LRFN5: variants seen among roughly 807,000 people sequenced by gnomAD.
LRFN5 encodes leucine-rich repeat and fibronectin type-III domain-containing protein 5.
Under a neutral mutation model 45.6 loss-of-function variants are expected in LRFN5, and 24 were observed. The ratio of observed to expected loss-of-function variants is 0.53; its 90% CI spans 0.38 to 0.74. The LOEUF is 0.74. LRFN5 is among the 30% of genes least tolerant of loss of function. The pLI is 0.00. For synonymous variants in LRFN5, 340 were observed against 313.8 expected, an observed-to-expected ratio of 1.08 and a Z score of -0.88; for missense variants, 776 against 861.5, an observed-to-expected ratio of 0.90 and a Z score of 1.24.
chr14:41,778,018 G>C (rs554804126), intron 2 of LRFN5, among the ~76,000 whole-genome samples: 1 of 147,344 alleles, frequency 6.8e-6, no homozygotes, highest in Non-Finnish European at 1.5e-5. Context: ...TGGTGGGGGG[G>C]GGGGATTGAG....
chr14:41,686,616 TATATTAAG>T (rs771555453), intron 1 of LRFN5, among the ~76,000 whole-genome samples: 7 of 151,946 alleles, frequency 4.6e-5, no homozygotes, highest in Non-Finnish European at 1.0e-4. Context: ...TCACAGTTAT[TATATTAAG>T]ATATGTTCCA....
At chr14:41,901,521 G>A (rs1891101641) in intron 5 of LRFN5, among the ~76,000 whole-genome samples, 1 of 151,510 alleles carries the variant, frequency 6.6e-6, no homozygotes, top group South Asian at 2.1e-4. Context: ...AGGCCTTTAA[G>A]ATAATTGCTT....
At chr14:41,675,649 TTATTTATTG>T (rs2138673850) in intron 1 of LRFN5, among the ~76,000 whole-genome samples, 1 of 152,104 alleles carries the variant, frequency 6.6e-6, no homozygotes, top group East Asian at 1.9e-4. Flanking sequence ...GGCGATTTTG[TTATTTATTG>T]TATTTATTGC....
intron 1 of LRFN5, among the ~76,000 whole-genome samples, chr14:41,666,398 A>G (rs1880901183): frequency 6.6e-6 from 1 of 152,086 alleles, no homozygotes; most frequent in Non-Finnish European, 1.5e-5. Context: ...TGTTTAAAGT[A>G]TCCTGCACTG....
At chr14:41,792,465 G>T (rs543801416) in intron 2 of LRFN5, among the ~76,000 whole-genome samples, 1 of 152,060 alleles carries the variant, frequency 6.6e-6, no homozygotes, top group African/African-American at 2.4e-5. Flanking sequence ...GCATATTTCA[G>T]TCCTTATCTC....
At chr14:41,748,917 A>T (rs1265757580) in intron 1 of LRFN5, among the ~76,000 whole-genome samples, 5 of 151,350 alleles carry the variant, frequency 3.3e-5, no homozygotes, top group South Asian at 2.1e-4. Context: ...TATATATATA[A>T]ATTTATTTAT....
intron 2 of LRFN5, among the ~76,000 whole-genome samples, chr14:41,884,058 T>C (rs1890480638): frequency 6.6e-6 from 1 of 152,168 alleles, no homozygotes; most frequent in East Asian, 1.9e-4. Flanking sequence ...TCAATAACTC[T>C]CTTTTTGCTA....
chr14:41,715,088 T>A (rs2138755351), intron 1 of LRFN5, among the ~76,000 whole-genome samples: 1 of 152,214 alleles, frequency 6.6e-6, no homozygotes, highest in South Asian at 2.1e-4. Context: ...AAGAGTAACA[T>A]ATCCATGAAT....
chr14:41,857,491 A>G (rs551862784), intron 2 of LRFN5, among the ~76,000 whole-genome samples: 13 of 152,280 alleles, frequency 8.5e-5, no homozygotes, highest in African/African-American at 2.6e-4. Flanking sequence ...TATTTTTTCT[A>G]CCTTCAAGTA....
intron 2 of LRFN5, among the ~76,000 whole-genome samples, chr14:41,845,692 A>C (rs565937203): frequency 1.0e-3 from 154 of 152,274 alleles, no homozygotes; most frequent in African/African-American, 3.7e-3. Context: ...TATTAGGTGC[A>C]ACTAGCAACA....
chr14:41,681,886 T>A (rs1176491842), intron 1 of LRFN5, among the ~76,000 whole-genome samples: 6 of 151,470 alleles, frequency 4.0e-5, no homozygotes, highest in Non-Finnish European at 8.8e-5. Context: ...TGGCCCGATC[T>A]CTGCTCTCTG....
At chr14:41,608,764 A>G (rs1179252769) in intron 1 of LRFN5, among the ~76,000 whole-genome samples, 1 of 152,170 alleles carries the variant, frequency 6.6e-6, no homozygotes, top group African/African-American at 2.4e-5. Flanking sequence ...CACTTAATCT[A>G]GTAGTGAAAG....
chr14:41,664,709 A>G (rs1002284458), intron 1 of LRFN5, among the ~76,000 whole-genome samples: 2 of 152,134 alleles, frequency 1.3e-5, no homozygotes, highest in African/African-American at 4.8e-5. Context: ...ATCCAATGAC[A>G]TAAACAAAAA....
intron 2 of LRFN5, among the ~76,000 whole-genome samples, chr14:41,880,266 T>C (rs1291157998): frequency 1.3e-5 from 2 of 150,484 alleles, no homozygotes; most frequent in African/African-American, 4.9e-5. Flanking sequence ...CTTTATGTAT[T>C]ATTTCTATTT....
intron 1 of LRFN5, among the ~76,000 whole-genome samples, chr14:41,642,895 A>G (rs1022782351): frequency 2.0e-5 from 3 of 152,198 alleles, no homozygotes; most frequent in African/African-American, 7.2e-5. Flanking sequence ...TTAGAGACAC[A>G]TAGTTAGCTG....
At position 41,904,185 on chromosome 14, in the gene LRFN5, C is replaced by T; in HGVS notation, c.*10C>T. ...GCTGGAGTTAATCTGAAGAGCACCA[C>T]TTCTCCTCTCTCTCCTGAAAAAATT... On this transcript the variant is annotated 3_prime_UTR_variant, in exon 6 of 6. Transcript: ENST00000298119. The T allele has an allele frequency of 1.2e-6, 2 of 1,608,676 alleles. No homozygotes were observed. The highest frequency in any genetic ancestry group is 1.7e-4 in the Middle Eastern group (1 of 6,042).
At chr14:41,846,280 T>G (rs1442071178) in intron 2 of LRFN5, among the ~76,000 whole-genome samples, 1 of 151,944 alleles carries the variant, frequency 6.6e-6, no homozygotes, top group Non-Finnish European at 1.5e-5. Flanking sequence ...AGGTATGAAC[T>G]CAACATATAT....
intron 2 of LRFN5, among the ~76,000 whole-genome samples, chr14:41,841,869 TTAAA>T (rs1230351481): frequency 1.3e-5 from 2 of 151,858 alleles, no homozygotes; most frequent in Admixed American, 1.3e-4. Context: ...AAATTTACAC[TTAAA>T]TAAATTATAT....
intron 1 of LRFN5, among the ~76,000 whole-genome samples, chr14:41,682,209 ACACTC>A (rs1337386094): frequency 6.6e-6 from 1 of 152,000 alleles, no homozygotes; most frequent in Non-Finnish European, 1.5e-5. Context: ...TCGTGGCACT[ACACTC>A]CAGTCTGGGC....
Sources: allele counts gnomAD v4.1 joint callset (sites outside exome capture counted in the v4.1 genomes callset), GRCh38; gene constraint gnomAD v4.1.1; transcripts MANE v1.5; gene names NCBI Gene and HGNC (gene_info 2026-07-23, HGNC 2026-07-21).